Variants in AKT3 observed in about 807,000 individuals in gnomAD.
AKT3 encodes the protein RAC-gamma serine/threonine-protein kinase.
AKT3 carries 15 observed loss-of-function variants against 65.3 expected under a neutral mutation model. The observed-to-expected ratio is 0.23, with a 90% CI of 0.15 to 0.35. AKT3 has a LOEUF of 0.35. Ranked by LOEUF, AKT3 falls within the 10% of genes least tolerant of loss-of-function variation. AKT3 has a pLI of 1.00. For missense variants in AKT3, 243 were observed against 576.5 expected, an observed-to-expected ratio of 0.42 and a Z score of 5.92; for synonymous variants, 206 against 183.8, an observed-to-expected ratio of 1.12 and a Z score of -0.98.
chr1:243,723,194 C>T (rs1687016267), intron 2 of AKT3, among the ~76,000 whole-genome samples: 1 of 152,082 alleles, frequency 6.6e-6, no homozygotes. Flanking sequence ...TTTCTGAATA[C>T]CTCAGTCTCA....
chr1:243,719,536 G>T (rs141118405), intron 2 of AKT3, among the ~76,000 whole-genome samples: 7 of 152,176 alleles, frequency 4.6e-5, no homozygotes, highest in African/African-American at 2.4e-5. Context: ...ACTGTTGAGT[G>T]TATCAGTGAA....
intron 2 of AKT3, among the ~76,000 whole-genome samples, chr1:243,757,253 G>C (rs1313540410): frequency 6.6e-6 from 1 of 152,192 alleles, no homozygotes; most frequent in Non-Finnish European, 1.5e-5. Flanking sequence ...ATAAGAGCAT[G>C]TCAATGCTAC....
At chr1:243,650,815 A>G (rs1393523127) in intron 4 of AKT3, among the ~76,000 whole-genome samples, 1 of 152,106 alleles carries the variant, frequency 6.6e-6, no homozygotes, top group Non-Finnish European at 1.5e-5. Flanking sequence ...GCCTTGTAGT[A>G]TAGTTTGAAG....
intron 2 of AKT3, among the ~76,000 whole-genome samples, chr1:243,709,463 A>T (rs1686012413): frequency 6.6e-6 from 1 of 151,902 alleles, no homozygotes; most frequent in African/African-American, 2.4e-5. Context: ...TTGCTTCTAT[A>T]ATTCAAAGTA....
At chr1:243,826,536 T>C (rs1003796893) in intron 2 of AKT3, among the ~76,000 whole-genome samples, 2 of 152,164 alleles carry the variant, frequency 1.3e-5, no homozygotes, top group East Asian at 3.9e-4. Context: ...TAAGGGACAG[T>C]GTGGCTGACA....
At chr1:243,607,467 C>A (rs1677512988) in intron 8 of AKT3, among the ~76,000 whole-genome samples, 1 of 152,308 alleles carries the variant, frequency 6.6e-6, no homozygotes, top group African/African-American at 2.4e-5. Context: ...GGGCCTACAG[C>A]TCCTTTGTTT....
At chr1:243,749,205 T>C (rs959789990) in intron 2 of AKT3, among the ~76,000 whole-genome samples, 2 of 152,174 alleles carry the variant, frequency 1.3e-5, no homozygotes, top group African/African-American at 2.4e-5. Flanking sequence ...ATCCTAGGTA[T>C]ATGATATAAT....
At chr1:243,734,908 CTTTT>C (rs1384026916) in intron 2 of AKT3, 1 of 151,946 alleles carries the variant, frequency 6.6e-6, no homozygotes, top group East Asian at 1.9e-4. Context: ...TTTTTTTTAC[CTTTT>C]TTGTTAAAAA....
At chr1:243,798,070 G>T (rs1055023666) in intron 2 of AKT3, among the ~76,000 whole-genome samples, 2 of 151,198 alleles carry the variant, frequency 1.3e-5, no homozygotes, top group Admixed American at 1.3e-4. Context: ...TTTTAGTAGA[G>T]ACGGGGTTTC....
chr1:243,745,802 T>A (rs1488842123), intron 2 of AKT3, among the ~76,000 whole-genome samples: 6 of 152,218 alleles, frequency 3.9e-5, no homozygotes, highest in African/African-American at 1.2e-4. Flanking sequence ...GCTCATTTTA[T>A]CACTGGCACT....
chr1:243,498,608 C>G (rs1668664672), downstream of AKT3, among the ~76,000 whole-genome samples: 1 of 152,250 alleles, frequency 6.6e-6, no homozygotes, highest in African/African-American at 2.4e-5. Flanking sequence ...GGGAAATCTA[C>G]TTGAAATGTA....
intron 9 of AKT3, among the ~76,000 whole-genome samples, chr1:243,572,521 C>T (rs1007212062): frequency 2.0e-5 from 3 of 152,108 alleles, no homozygotes; most frequent in Admixed American, 2.0e-4. Context: ...TATTAAAATG[C>T]TTCAGGTATT....
intron 2 of AKT3, among the ~76,000 whole-genome samples, chr1:243,829,520 T>C (rs1447460900): frequency 3.3e-5 from 5 of 152,114 alleles, no homozygotes; most frequent in Non-Finnish European, 7.4e-5. Context: ...GTATTCTCAA[T>C]ACACAAAAAG....
chr1:243,689,593 T>C (rs1684561415), intron 3 of AKT3, among the ~76,000 whole-genome samples: 1 of 151,586 alleles, frequency 6.6e-6, no homozygotes, highest in Non-Finnish European at 1.5e-5. Flanking sequence ...GAGATAAAGA[T>C]GTTTGTTAGT....
intron 3 of AKT3, among the ~76,000 whole-genome samples, chr1:243,691,462 T>C (rs2148011168): frequency 6.6e-6 from 1 of 152,282 alleles, no homozygotes; most frequent in South Asian, 2.1e-4. Flanking sequence ...GTATGAGTGG[T>C]ACAAACTAGA....
intron 5 of AKT3, among the ~76,000 whole-genome samples, chr1:243,645,322 G>GA (rs1175602718): frequency 1.3e-5 from 2 of 152,028 alleles, no homozygotes; most frequent in African/African-American, 4.8e-5. Flanking sequence ...CTATTGCAAT[G>GA]AAAAAATTTA....
intron 2 of AKT3, among the ~76,000 whole-genome samples, chr1:243,738,412 A>G (rs1687961398): frequency 6.6e-6 from 1 of 152,210 alleles, no homozygotes. Flanking sequence ...ATTTCTTAGG[A>G]GGACAATGGG....
At chr1:243,675,836 G>T (rs1683473129) in intron 3 of AKT3, among the ~76,000 whole-genome samples, 1 of 151,976 alleles carries the variant, frequency 6.6e-6, no homozygotes, top group African/African-American at 2.4e-5. Context: ...TTTTCTTAGG[G>T]CCTCTACTTC....
At chr1:243,584,899 G>C (rs1675677400) in intron 8 of AKT3, among the ~76,000 whole-genome samples, 1 of 152,076 alleles carries the variant, frequency 6.6e-6, no homozygotes, top group African/African-American at 2.4e-5. Flanking sequence ...GTGCTAGCCA[G>C]AGAAAATCAG....
Sources: allele counts gnomAD v4.1 joint callset (sites outside exome capture counted in the v4.1 genomes callset), GRCh38; gene constraint gnomAD v4.1.1; transcripts MANE v1.5; gene names NCBI Gene and HGNC (gene_info 2026-07-23, HGNC 2026-07-21).